FAM227B: variants seen among roughly 807,000 people sequenced by gnomAD.
The protein encoded by FAM227B is family with sequence similarity 227 member B.
Under a neutral mutation model 73.8 loss-of-function variants are expected in FAM227B, and 88 were observed. That is an observed-to-expected ratio of 1.19 (90% CI 1.00 to 1.42). FAM227B has a LOEUF of 1.42. FAM227B is among the 40% of genes most tolerant of loss of function. The pLI is 0.00. For missense variants in FAM227B, 632 were observed against 590.9 expected, an observed-to-expected ratio of 1.07 and a Z score of -0.72; for synonymous variants, 210 against 190.5, an observed-to-expected ratio of 1.10 and a Z score of -0.84.
chr15:49,581,122 G>A (rs2075782030), intron 5 of FAM227B, among the ~76,000 whole-genome samples: 1 of 152,064 alleles, frequency 6.6e-6, no homozygotes, highest in Admixed American at 6.5e-5. Context: ...GAAACACAGA[G>A]AGAACCCTTG....
chr15:49,575,142 G>T, intron 7 of FAM227B, 33 bp from the exon 8 acceptor site: 3 of 1,136,516 alleles, frequency 2.6e-6, no homozygotes, highest in Non-Finnish European at 3.9e-6. Context: ...GATGCATGGA[G>T]ATTAAAATAT....
At chr15:49,358,964 C>T (rs71467673) in intron 13 of FAM227B, among the ~76,000 whole-genome samples, 9,923 of 148,588 alleles carry the variant, frequency 0.067, 457 homozygotes, top group East Asian at 0.18. Context: ...CTTTGACAAA[C>T]CTGAGAAAAA....
chr15:49,357,642 C>G (rs1395370799), intron 13 of FAM227B, among the ~76,000 whole-genome samples: 1 of 149,814 alleles, frequency 6.7e-6, no homozygotes, highest in Admixed American at 6.7e-5. Context: ...GATTCACAGC[C>G]GAATTCTACC....
intron 13 of FAM227B, among the ~76,000 whole-genome samples, chr15:49,338,012 A>T (rs1054459586): frequency 6.6e-5 from 10 of 152,318 alleles, no homozygotes; most frequent in Non-Finnish European, 1.5e-4. Context: ...TCCTTTGTGT[A>T]TATACCCAGT....
At chr15:49,376,080 C>G (rs769154793) in intron 11 of FAM227B, among the ~76,000 whole-genome samples, 1 of 151,768 alleles carries the variant, frequency 6.6e-6, no homozygotes, top group African/African-American at 2.4e-5. Context: ...TAAAAATGTC[C>G]CATAAAAGAG....
chr15:49,501,675 T>G (rs992352264), intron 11 of FAM227B, among the ~76,000 whole-genome samples: 3 of 152,212 alleles, frequency 2.0e-5, no homozygotes, highest in Admixed American at 6.5e-5. Flanking sequence ...GGAAGAATAA[T>G]TCAAGTAGGC....
chr15:49,589,784 G>T lies in FAM227B; in HGVS notation c.329C>A (p.Ser110Tyr). 2 of 1,565,016 alleles carry T rather than the reference G, an allele frequency of 1.3e-6. No individual in the cohort carries two copies. Among genetic ancestry groups the T allele is most frequent in the Non-Finnish European group, 1.8e-6 (2 of 1,137,138 alleles). The change falls in exon 4 of 16, where the codon TCT (serine) becomes TAT (tyrosine). Residue 110 changes from serine (S) to tyrosine (Y), a missense_variant. Ser to Tyr is a moderately radical substitution (Grantham distance 144). Transcript: ENST00000299338. ...AAATAAATAAGGCTCACTTGTCTCA[G>T]AAATCATGCTTTTCCACTTAAATAT... ...SEIFKWKSMI[S>Y]ETSSYRKLER...
chr15:49,516,851 A>C (rs34091160), intron 10 of FAM227B, among the ~76,000 whole-genome samples: 8,009 of 152,240 alleles, frequency 0.053, 363 homozygotes, highest in East Asian at 0.24. Flanking sequence ...TTGTTCAGGC[A>C]GGCTCATTGA....
chr15:49,450,330 T>C (rs1567298929), intron 11 of FAM227B, among the ~76,000 whole-genome samples: 1 of 152,100 alleles, frequency 6.6e-6, no homozygotes, highest in Non-Finnish European at 1.5e-5. Flanking sequence ...GAATTTTTAT[T>C]GTGTTCCTGA....
rs1029008367 is a variant in FAM227B at position 49,609,038 on chromosome 15, T to C, written c.105+2177A>G. 3.3e-5 allele frequency among the ~76,000 whole-genome samples: 5 copies of C among 151,970 alleles called. 1 individual carries two copies. Among genetic ancestry groups the C allele is most frequent in the African/African-American group, 7.2e-5 (3 of 41,432 alleles). The stretch of plus-strand genomic sequence containing the variant: ...GAGTAGAATCTTTTGTCTTTGTTCA[T>C]AGCTGTAACTCCAGTGCCCAGAAAA... On this transcript the variant is annotated intron_variant, in intron 3 of 15. Coordinates refer to ENST00000299338, the MANE Select transcript of FAM227B (RefSeq NM_152647.3).
intron 13 of FAM227B, among the ~76,000 whole-genome samples, chr15:49,350,500 TTAC>T (rs2042085609): frequency 6.6e-6 from 1 of 152,210 alleles, no homozygotes; most frequent in Non-Finnish European, 1.5e-5. Context: ...TGTTAAGTTT[TTAC>T]TGGGAGATGC....
At chr15:49,554,681 TG>T (rs1193205189) in intron 9 of FAM227B, among the ~76,000 whole-genome samples, 3 of 152,210 alleles carry the variant, frequency 2.0e-5, no homozygotes, top group African/African-American at 7.2e-5. Flanking sequence ...GGGGTGGTGT[TG>T]GTGATTCCAG....
chr15:49,605,099 C>T (rs1320290416), intron 3 of FAM227B, among the ~76,000 whole-genome samples: 2 of 152,082 alleles, frequency 1.3e-5, no homozygotes, highest in African/African-American at 4.8e-5. Flanking sequence ...TCCCTGACTG[C>T]CTTGTTTTGA....
chr15:49,540,658 C>T (rs1389986573), intron 10 of FAM227B, among the ~76,000 whole-genome samples: 2 of 152,158 alleles, frequency 1.3e-5, no homozygotes, highest in Non-Finnish European at 2.9e-5. Flanking sequence ...AAGATCACAC[C>T]TCCAAATACA....
chr15:49,457,882 C>A (rs77995451), intron 11 of FAM227B, among the ~76,000 whole-genome samples: 1 of 151,848 alleles, frequency 6.6e-6, no homozygotes, highest in Non-Finnish European at 1.5e-5. Flanking sequence ...TGAATCTAAT[C>A]ATTTTTGTGC....
intron 11 of FAM227B, among the ~76,000 whole-genome samples, chr15:49,478,530 A>G (rs2055579134): frequency 1.3e-5 from 2 of 152,144 alleles, no homozygotes; most frequent in Admixed American, 1.3e-4. Flanking sequence ...AAAATCATAA[A>G]ATGTATTTAA....
intron 8 of FAM227B, among the ~76,000 whole-genome samples, chr15:49,569,622 T>C (rs1403123464): frequency 6.6e-6 from 1 of 152,028 alleles, no homozygotes; most frequent in Non-Finnish European, 1.5e-5. Context: ...CAGTTACTTA[T>C]AATTTGTTGA....
intron 14 of FAM227B, among the ~76,000 whole-genome samples, chr15:49,333,349 G>A (rs939695948): frequency 1.1e-4 from 17 of 152,126 alleles, no homozygotes; most frequent in Non-Finnish European, 2.1e-4. Context: ...TAACAAGCAC[G>A]TGAGATTTAT....
intron 10 of FAM227B, among the ~76,000 whole-genome samples, chr15:49,527,016 G>A (rs1320868738): frequency 6.6e-6 from 1 of 151,220 alleles, no homozygotes; most frequent in East Asian, 2.0e-4. Context: ...AAGGAGGAGG[G>A]AATCTCATCT....
Sources: gnomAD v4.1 joint callset for allele counts (sites outside exome capture counted in the v4.1 genomes callset) on GRCh38, gnomAD v4.1.1 for gene constraint, MANE v1.5 for transcripts, NCBI Gene and HGNC (gene_info 2026-07-23, HGNC 2026-07-21) for gene names.